AMZ1: variants seen among roughly 807,000 people sequenced by gnomAD.
AMZ1 encodes the protein archaemetzincin-1.
A neutral mutation model predicts 29.9 loss-of-function variants in AMZ1; 39 were observed. The observed-to-expected ratio is 1.30, with a 90% CI of 1.01 to 1.70. The LOEUF (loss-of-function observed/expected upper bound fraction) is 1.70, where lower values mean the gene tolerates loss of function less well. Ranked by LOEUF, AMZ1 falls within the 40% of genes most tolerant of loss-of-function variation. AMZ1 has a pLI of 0.00. For synonymous variants in AMZ1, 458 were observed against 304.0 expected (o/e 1.51, Z -5.27); for missense variants, 1,041 against 680.6 (o/e 1.53, Z -5.89).
At position 2,716,893 on chromosome 7, in the gene AMZ1, G is replaced by A. The variant is rs1255254466; in HGVS notation, c.*4015G>A. ...CGAGATGGGACTGGGAAGGGCTGGA[G>A]CCTCAGAAACGGCAGAGCGGAAGTT... On this transcript the variant is annotated 3_prime_UTR_variant, in exon 7 of 7. Coordinates refer to ENST00000683327, the MANE Select transcript of AMZ1 (RefSeq NM_001384743.1). Among the ~76,000 whole-genome samples the A allele has an allele frequency of 6.6e-6, 1 of 152,250 alleles. No individual in the cohort carries two copies. Among genetic ancestry groups the A allele is most frequent in the African/African-American group, 2.4e-5 (1 of 41,478 alleles).
intron 1 of AMZ1, among the ~76,000 whole-genome samples, chr7:2,699,133 T>A (rs1482154608): frequency 6.6e-6 from 1 of 152,140 alleles, no homozygotes; most frequent in African/African-American, 2.4e-5. Context: ...TTTGCTTTTA[T>A]CTGTTCTGCG....
chr7:2,763,128 T>C (rs1264865984), upstream of AMZ1: 10 of 1,233,954 alleles, frequency 8.1e-6, no homozygotes, highest in Non-Finnish European at 1.0e-5. Context: ...TCCTCTCTCT[T>C]CTCAGAAGCA....
intron 6 of AMZ1, among the ~76,000 whole-genome samples, chr7:2,710,312 C>T (rs868548843): frequency 3.3e-5 from 5 of 152,194 alleles, no homozygotes; most frequent in Admixed American, 6.5e-5. Flanking sequence ...AGGGCTCGTC[C>T]GTATTCATGG....
chr7:2,706,780 C>G (rs1182164531), intron 3 of AMZ1, among the ~76,000 whole-genome samples: 1 of 151,944 alleles, frequency 6.6e-6, no homozygotes, highest in East Asian at 1.9e-4. Flanking sequence ...AGGACTTCCA[C>G]CTGTCTTTTT....
chr7:2,719,360 C>T lies in AMZ1; in HGVS notation c.*6482C>T, dbSNP rs1167797589. On this transcript the variant is annotated 3_prime_UTR_variant, in exon 7 of 7. Transcript: ENST00000683327. ...AAGCAGGAGCAATGCCTAAAGAGGG[C>T]AAAGGCCCGCGCGCCTGGCAGAGCT... Among the ~76,000 whole-genome samples the T allele has an allele frequency of 6.6e-6, 1 of 152,212 alleles. No homozygotes were observed. Among genetic ancestry groups the T allele is most frequent in the Non-Finnish European group, 1.5e-5 (1 of 68,046 alleles).
intron 4 of AMZ1, among the ~76,000 whole-genome samples, chr7:2,756,614 C>CAAACAAAA (rs1376650357): frequency 2.0e-5 from 3 of 152,000 alleles, no homozygotes; most frequent in Non-Finnish European, 2.9e-5. Context: ...CTCAAACAAA[C>CAAACAAAA]AAACAAACAA....
intron 4 of AMZ1, among the ~76,000 whole-genome samples, chr7:2,751,116 G>A (rs185505372): frequency 1.6e-4 from 24 of 152,210 alleles, no homozygotes; most frequent in East Asian, 9.6e-4. Context: ...GGCCGGGCCC[G>A]GGGGCACACA....
chr7:2,712,509 C>T lies in AMZ1; in HGVS notation c.1128C>T (p.Thr376=), dbSNP rs1052123273. 6 of 1,608,442 alleles carry T rather than the reference C, an allele frequency of 3.7e-6. No homozygotes were observed. The highest frequency in any genetic ancestry group is 5.1e-6 in the Non-Finnish European group (6 of 1,177,938). The change falls in exon 7 of 7, where the codon ACC becomes ACT. Residue 376 remains threonine (T), a synonymous_variant. Coordinates refer to ENST00000683327, the MANE Select transcript of AMZ1 (RefSeq NM_001384743.1). The stretch of plus-strand genomic sequence containing the variant: ...TCACCCCTGATGCCGGGAGTCACAC[C>T]TTCGCCTCGGGGCCAGAGGAAGGGC... ...EPLTPDAGSH[T]FASGPEEGLS...
intron 5 of AMZ1, 96 bp from the exon 6 acceptor site, chr7:2,709,544 C>G: frequency 1.3e-6 from 2 of 1,508,590 alleles, no homozygotes; most frequent in Non-Finnish European, 1.8e-6. Context: ...CTGGCCTCAC[C>G]CAGGTCCTCA....
At position 2,708,942 on chromosome 7, in the gene AMZ1, G is replaced by T. The variant is rs554047598; in HGVS notation, c.602-133G>T. 1.8e-4 allele frequency: 230 copies of T among 1,306,688 alleles called. 2 individuals are homozygous for T. The African/African-American group carries it at 2.7e-3, about 15-fold the overall frequency. The allele number at this position is 1,306,688 out of a possible 1,614,324, so 80.9% of individuals were successfully genotyped here. ...CCAGGGCCCAACTTCATGTGGGCAG[G>T]ACAGGGCCTCCCAGGACTGGTATGT... On this transcript the variant is annotated intron_variant, in intron 4 of 6. Coordinates refer to ENST00000683327, the MANE Select transcript of AMZ1 (RefSeq NM_001384743.1).
chr7:2,748,351 T>C (rs1232121358), intron 4 of AMZ1, among the ~76,000 whole-genome samples: 10 of 152,052 alleles, frequency 6.6e-5, no homozygotes, highest in Admixed American at 6.6e-4. Flanking sequence ...TCAGAAATAA[T>C]GCTGCATATC....
At chr7:2,680,532 C>T (rs151236180) in intron 1 of AMZ1, among the ~76,000 whole-genome samples, 277 of 152,336 alleles carry the variant, frequency 1.8e-3, no homozygotes, top group African/African-American at 6.2e-3. Flanking sequence ...CTGAGATCCC[C>T]TCTGTGGCTG....
At chr7:2,756,040 A>G (rs546220737) in intron 4 of AMZ1, among the ~76,000 whole-genome samples, 1 of 152,360 alleles carries the variant, frequency 6.6e-6, no homozygotes, top group East Asian at 1.9e-4. Flanking sequence ...CAACGTTTTC[A>G]TAATACCAAC....
downstream of AMZ1, among the ~76,000 whole-genome samples, chr7:2,723,412 G>A (rs528516337): frequency 6.6e-6 from 1 of 152,254 alleles, no homozygotes; most frequent in East Asian, 1.9e-4. Flanking sequence ...CTTGATGCCC[G>A]AGTTTCAAAG....
intron 4 of AMZ1, among the ~76,000 whole-genome samples, chr7:2,747,567 C>T (rs1164135103): frequency 6.6e-6 from 1 of 152,164 alleles, no homozygotes; most frequent in African/African-American, 2.4e-5. Context: ...CAATATCATA[C>T]TGAATGGGCA....
chr7:2,722,417 C>T (rs1022579245), downstream of AMZ1, among the ~76,000 whole-genome samples: 8 of 152,044 alleles, frequency 5.3e-5, no homozygotes, highest in African/African-American at 1.2e-4. Flanking sequence ...GGACTACAGG[C>T]GCCCGCCACC....
chr7:2,736,318 T>A (rs1018522080), intron 4 of AMZ1, among the ~76,000 whole-genome samples: 1 of 152,098 alleles, frequency 6.6e-6, no homozygotes, highest in Admixed American at 6.5e-5. Context: ...CTCTCGGGAC[T>A]CTCCTTGGTG....
At chr7:2,681,142 C>T (rs115028953) in intron 1 of AMZ1, among the ~76,000 whole-genome samples, 2,491 of 152,340 alleles carry the variant, frequency 0.016, 81 homozygotes, top group African/African-American at 0.056. Context: ...CATGGCTGAG[C>T]TCGGTGCCAC....
Position 2,730,937 on chromosome 7 carries a change from A to T in AMZ1, n.550+21121A>T, listed in dbSNP as rs995342986. ...TGTGATTAGGTGTTCCGTATTCACAACATCATCACTCGGATTTTCAGTAGT... is the reference window on the plus strand; with the variant it reads ...TGTGATTAGGTGTTCCGTATTCACATCATCATCACTCGGATTTTCAGTAGT... On this transcript the variant is annotated intron_variant and non_coding_transcript_variant, in intron 4 of 4. Transcript: ENST00000489665. 39 of 506,948 alleles carry T rather than the reference A, an allele frequency of 7.7e-5. No individual in the cohort carries two copies. In the East Asian group the frequency reaches 8.1e-4, roughly 10 times the overall value. 31.4% of individuals were successfully genotyped at this position (506,948 alleles called of 1,614,324 possible). A position where few individuals can be genotyped will look rare whatever the true frequency, so the allele number is the denominator to read the frequency against.
Sources: gnomAD v4.1 joint callset for allele counts (sites outside exome capture counted in the v4.1 genomes callset) on GRCh38, gnomAD v4.1.1 for gene constraint, MANE v1.5 for transcripts, NCBI Gene and HGNC (gene_info 2026-07-23, HGNC 2026-07-21) for gene names.